The following MYO1F variants were observed in gnomAD, a reference collection of about 807,000 sequenced individuals.
MYO1F encodes unconventional myosin-If.
In MYO1F, 60 loss-of-function variants were observed where a neutral mutation model predicts 146.6. The observed-to-expected ratio is 0.41, with a 90% CI of 0.33 to 0.51. MYO1F has a LOEUF of 0.51. MYO1F is among the 20% of genes least tolerant of loss of function. The probability of loss-of-function intolerance (pLI) is 0.25; values close to 1 mark genes in which losing one functional copy is unlikely to be tolerated. For missense variants in MYO1F, 1,274 were observed against 1,534.3 expected (o/e 0.83, Z 2.83); for synonymous variants, 602 against 602.1 (o/e 1.00, Z 0.00).
chr19:8,551,889 A>G lies in MYO1F; in HGVS notation c.637-15T>C, dbSNP rs1443983685. Reference sequence around the variant, plus strand: ...CCTTCCAGCAGCTGGAGGGTGTGCCATGTTCATGCATCTGGTGCTTGCCTG... The same window carrying G: ...CCTTCCAGCAGCTGGAGGGTGTGCCGTGTTCATGCATCTGGTGCTTGCCTG... On this transcript the variant is annotated splice_polypyrimidine_tract_variant and intron_variant, in intron 7 of 27. Coordinates refer to ENST00000644032, the MANE Select transcript of MYO1F (RefSeq NM_012335.4). 6.2e-7 allele frequency: 1 copy of G among 1,613,826 alleles called. No homozygotes were observed. The highest frequency in any genetic ancestry group is 1.3e-5 in the African/African-American group (1 of 74,856).
At chr19:8,536,641 C>T (rs764464219) in intron 17 of MYO1F, 44 bp from the exon 18 acceptor site, 1 of 943,378 alleles carries the variant, frequency 1.1e-6, no homozygotes, top group Non-Finnish European at 1.5e-6. Flanking sequence ...TGGGGAGTCA[C>T]CAGTCCTGGG....
rs1302256443 is a variant in MYO1F, at chr19:8,530,437, C to T, written c.2158+22G>A. ...CAGGTCCTTGTGCCCCCACCCCGCG[C>T]CGTTTACCCGAAGCCTCTCACCTTC... On this transcript the variant is annotated intron_variant, in intron 20 of 27. Coordinates refer to ENST00000644032, the MANE Select transcript of MYO1F (RefSeq NM_012335.4). This position sits in a 1 kb window ranked among gnomAD's most constrained non-coding sequence, Gnocchi z 5.8. 1.2e-6 allele frequency: 2 copies of T among 1,613,568 alleles called. No individual in the cohort carries two copies. The highest frequency in any genetic ancestry group is 1.3e-5 in the African/African-American group (1 of 74,928).
intron 1 of MYO1F, among the ~76,000 whole-genome samples, chr19:8,565,387 A>G (rs367801862): frequency 1.2e-4 from 18 of 151,758 alleles, no homozygotes; most frequent in African/African-American, 4.4e-4. Flanking sequence ...CACTAAAAGT[A>G]CAACATTAGC....
intron 8 of MYO1F, 98 bp from the exon 9 acceptor site, chr19:8,550,792 G>A (rs1173237148): frequency 3.2e-6 from 5 of 1,545,314 alleles, no homozygotes; most frequent in South Asian, 1.1e-5. Flanking sequence ...CTCAGGGAGT[G>A]AGCACCCTTG....
Position 8,554,638 on chromosome 19 carries a change from C to G in MYO1F, c.231+16G>C, listed in dbSNP as rs1232845658. On this transcript the variant is annotated intron_variant, in intron 3 of 27. Coordinates refer to ENST00000644032, the MANE Select transcript of MYO1F (RefSeq NM_012335.4). Reference sequence around the variant, plus strand: ...GGAGTCTGGGGGCTGTGCCTCCCACCCAGCCCCAGCCTCACCGCGCCCTGA... The same window carrying G: ...GGAGTCTGGGGGCTGTGCCTCCCACGCAGCCCCAGCCTCACCGCGCCCTGA... The G allele has an allele frequency of 6.2e-7, 1 of 1,613,418 alleles. No homozygotes were observed. The highest frequency in any genetic ancestry group is 8.5e-7 in the Non-Finnish European group (1 of 1,179,488).
Position 8,536,596 on chromosome 19 carries a change from C to T in MYO1F, c.1801G>A (p.Val601Ile). 1.5e-6 allele frequency: 2 copies of T among 1,353,162 alleles called. No individual in the cohort carries two copies. The highest frequency in any genetic ancestry group is 2.0e-6 in the Non-Finnish European group (2 of 1,022,728). The allele number at this position is 1,353,162 out of a possible 1,614,324, so 83.8% of individuals were successfully genotyped here. The part of the protein sequence containing the change: ...KRPRDWEENR[V>I]KHQVEYLGLK... ...CCCAGGTATTCCACCTGGTGCTTGA[C>T]TCTGGTGGGGAGGGTAGGCTGAGTC... Residue 601 changes from valine (V) to isoleucine (I), a missense_variant and splice_region_variant, in exon 18 of 28, where the codon GTC becomes ATC. Physicochemically the swap from Val to Ile is conservative, Grantham distance 29. This residue lies in a region of MYO1F where 900 missense variants were observed against 1,155.1 expected (regional missense o/e 0.78). Coordinates refer to ENST00000644032, the MANE Select transcript of MYO1F (RefSeq NM_012335.4).
chr19:8,523,057 A>G (rs1479306313), intron 25 of MYO1F, among the ~76,000 whole-genome samples: 1 of 147,766 alleles, frequency 6.8e-6, no homozygotes, highest in African/African-American at 2.5e-5. Flanking sequence ...TTTGAGATGG[A>G]GTCTTGCTCA....
chr19:8,522,147 C>T (rs985054217), intron 27 of MYO1F, among the ~76,000 whole-genome samples: 7 of 152,112 alleles, frequency 4.6e-5, no homozygotes, highest in Non-Finnish European at 7.4e-5. Flanking sequence ...CTCAGCCTCC[C>T]GAGTAGCTGG....
intron 1 of MYO1F, among the ~76,000 whole-genome samples, chr19:8,566,028 G>C (rs1465260980): frequency 6.6e-6 from 1 of 152,116 alleles, no homozygotes; most frequent in Non-Finnish European, 1.5e-5. Context: ...AGGATCACTT[G>C]AGCCCAGGAG....
chr19:8,544,468 C>A lies in MYO1F; in HGVS notation c.1357-4G>T, dbSNP rs746128755. 1.3e-6 allele frequency: 2 copies of A among 1,590,832 alleles called. No homozygotes were observed. Among genetic ancestry groups the A allele is most frequent in the Non-Finnish European group, 1.7e-6 (2 of 1,170,058 alleles). ...CGCTCATGATGCCTGGGGGGCTCTG[C>A]GGGGCGAGCGGGAGCCAGCAGCGGC... On this transcript the variant is annotated splice_region_variant and splice_polypyrimidine_tract_variant and intron_variant, in intron 13 of 27. Coordinates refer to ENST00000644032, the MANE Select transcript of MYO1F (RefSeq NM_012335.4).
chr19:8,550,499 T>A, intron 9 of MYO1F, 63 bp downstream of exon 9: 1 of 1,613,520 alleles, frequency 6.2e-7, no homozygotes, highest in South Asian at 1.1e-5. Context: ...GGGGCTGAGC[T>A]AGGAGGACGC....
At chr19:8,541,058 A>C (rs1972941989) in intron 15 of MYO1F, among the ~76,000 whole-genome samples, 1 of 151,896 alleles carries the variant, frequency 6.6e-6, no homozygotes, top group Admixed American at 6.6e-5. Flanking sequence ...ATCACGGCTC[A>C]CTGTAGCCTC....
chr19:8,567,443 A>G (rs2042025329), intron 1 of MYO1F, among the ~76,000 whole-genome samples: 1 of 151,936 alleles, frequency 6.6e-6, no homozygotes, highest in Admixed American at 6.6e-5. Flanking sequence ...ATCTCAGCTC[A>G]CTGCAACCTC....
At chr19:8,526,370 G>A (rs1972265786) in intron 24 of MYO1F, 83 bp downstream of exon 24, 3 of 1,490,376 alleles carry the variant, frequency 2.0e-6, no homozygotes, top group Non-Finnish European at 2.7e-6. Flanking sequence ...TCTCTCTGTA[G>A]ACACTCCCCT....
chr19:8,548,193 G>A, intron 11 of MYO1F, 44 bp downstream of exon 11: 1 of 1,610,002 alleles, frequency 6.2e-7, no homozygotes, highest in Non-Finnish European at 8.5e-7. Flanking sequence ...ACCCTGGGCT[G>A]CCCCAGGGAG....
chr19:8,571,895 C>T (rs2042116898), intron 1 of MYO1F, among the ~76,000 whole-genome samples: 1 of 151,682 alleles, frequency 6.6e-6, no homozygotes, highest in Non-Finnish European at 1.5e-5. Context: ...CCGCGCCCAG[C>T]CCCTGTATTT....
In MYO1F at chr19:8,526,784, C is replaced by T; in HGVS notation, c.2621+5G>A. 2 of 1,606,042 alleles carry T rather than the reference C, an allele frequency of 1.2e-6. No homozygotes were observed. Among genetic ancestry groups the T allele is most frequent in the South Asian group, 1.1e-5 (1 of 90,306 alleles). On this transcript the variant is annotated splice_donor_5th_base_variant and intron_variant, in intron 23 of 27. Transcript: ENST00000644032. ...GAGATGGTGCTGGGGTTGGCGGGGC[C>T]GTACGTGTCGCTGAAGGTGAGGGGC...
chr19:8,544,041 CTGGTGGTGGTGG>C (rs1192452702), intron 14 of MYO1F: 41 of 212,526 alleles, frequency 1.9e-4, no homozygotes, highest in Middle Eastern at 1.1e-3. Flanking sequence ...GGTGGCGGTG[CTGGTGGTGGTGG>C]TGGTGGTGGT....
intron 21 of MYO1F, among the ~76,000 whole-genome samples, chr19:8,529,544 G>A (rs887078854): frequency 2.0e-5 from 3 of 152,096 alleles, no homozygotes; most frequent in African/African-American, 4.8e-5. Flanking sequence ...GCCTGGGCCA[G>A]GTGAGAGTGT....
Sources: allele counts gnomAD v4.1 joint callset (sites outside exome capture counted in the v4.1 genomes callset), GRCh38; gene constraint gnomAD v4.1.1; regional missense constraint gnomAD v4.1.1; non-coding constraint Gnocchi (gnomAD v3.1); transcripts MANE v1.5; gene names NCBI Gene and HGNC (gene_info 2026-07-23, HGNC 2026-07-21).